Variants in ROBO2 observed in about 807,000 individuals in gnomAD.
The protein encoded by ROBO2 is roundabout homolog 2.
ROBO2 carries 53 observed loss-of-function variants against 160.8 expected under a neutral mutation model. The ratio of observed to expected loss-of-function variants is 0.33; its 90% CI spans 0.26 to 0.41. The LOEUF (loss-of-function observed/expected upper bound fraction) is 0.41. Among genes scored for constraint, ROBO2 ranks in the 10% least tolerant of loss-of-function variants. ROBO2 has a pLI of 1.00. For missense variants in ROBO2, 1,577 were observed against 1,722.4 expected (o/e 0.92, Z 1.49); for synonymous variants, 664 against 611.7 (o/e 1.09, Z -1.26).
At chr3:77,316,748 T>C (rs9820365) in intron 2 of ROBO2, 105,749 of 972,866 alleles carry the variant, frequency 0.11, 7,919 homozygotes, top group East Asian at 0.35. Context: ...TGTATGGTAT[T>C]CATTCATGCT....
chr3:77,212,540 C>T (rs966876347), intron 2 of ROBO2, among the ~76,000 whole-genome samples: 3 of 152,124 alleles, frequency 2.0e-5, no homozygotes, highest in African/African-American at 4.8e-5. Context: ...ATTTGATTTC[C>T]TCTTTTCCTA....
At chr3:76,483,406 G>C (rs1178653047) in intron 2 of ROBO2, among the ~76,000 whole-genome samples, 1 of 151,478 alleles carries the variant, frequency 6.6e-6, no homozygotes, top group Non-Finnish European at 1.5e-5. Flanking sequence ...TTTGGGGTGT[G>C]ATTGATTCCA....
intron 2 of ROBO2, among the ~76,000 whole-genome samples, chr3:75,984,211 A>G (rs1201086674): frequency 2.0e-5 from 3 of 151,572 alleles, no homozygotes; most frequent in Non-Finnish European, 4.4e-5. Flanking sequence ...GCAGCCACAT[A>G]TGTACTAATT....
At chr3:76,742,917 A>G (rs1454978782) in intron 2 of ROBO2, among the ~76,000 whole-genome samples, 1 of 151,942 alleles carries the variant, frequency 6.6e-6, no homozygotes, top group Admixed American at 6.6e-5. Context: ...ATACTAATTA[A>G]ATAAAATCAG....
chr3:76,409,142 C>A (rs570407789), intron 2 of ROBO2, among the ~76,000 whole-genome samples: 27 of 151,948 alleles, frequency 1.8e-4, no homozygotes, highest in Non-Finnish European at 3.4e-4. Flanking sequence ...ATACACAAAA[C>A]TAAGCATACA....
intron 2 of ROBO2, among the ~76,000 whole-genome samples, chr3:76,050,204 G>A (rs2067607594): frequency 2.0e-5 from 3 of 152,154 alleles, no homozygotes; most frequent in Admixed American, 2.0e-4. Context: ...GAGAAAAGCA[G>A]GCAGAAGAAC....
In ROBO2 at chr3:76,968,149, A is replaced by T. The variant is rs139670883; in HGVS notation, c.110-129865A>T. 2.3e-3 allele frequency among the ~76,000 whole-genome samples: 347 copies of T among 152,344 alleles called. 2 individuals are homozygous for T. The highest frequency in any genetic ancestry group is 8.2e-3 in the African/African-American group (339 of 41,578). On this transcript the variant is annotated intron_variant, in intron 2 of 26. Transcript: ENST00000487694. ...TCAAACACCAAATATCAATTATAAA[A>T]TGTTTCCAGATCCAAAAATAATTGA...
At chr3:76,390,970 T>C (rs1008635707) in intron 2 of ROBO2, among the ~76,000 whole-genome samples, 42 of 152,212 alleles carry the variant, frequency 2.8e-4, no homozygotes, top group African/African-American at 9.9e-4. Context: ...CTTGGTAATG[T>C]GGACCATATG....
intron 2 of ROBO2, among the ~76,000 whole-genome samples, chr3:76,088,787 A>G (rs991958560): frequency 2.6e-5 from 4 of 152,086 alleles, no homozygotes; most frequent in African/African-American, 9.6e-5. Context: ...ACAACAATAT[A>G]AGCTTCACAT....
intron 2 of ROBO2, among the ~76,000 whole-genome samples, chr3:77,414,588 A>G (rs919599177): frequency 2.0e-5 from 3 of 152,342 alleles, no homozygotes; most frequent in Non-Finnish European, 4.4e-5. Flanking sequence ...CAGACAAAAC[A>G]AGACGGGAGC....
intron 2 of ROBO2, among the ~76,000 whole-genome samples, chr3:76,657,485 C>T (rs554969700): frequency 2.6e-5 from 4 of 151,066 alleles, no homozygotes; most frequent in Non-Finnish European, 4.4e-5. Flanking sequence ...GTGGCTCACG[C>T]CTGTAGTTCT....
chr3:76,483,762 G>A (rs1156766929), intron 2 of ROBO2, among the ~76,000 whole-genome samples: 1 of 151,934 alleles, frequency 6.6e-6, no homozygotes, highest in East Asian at 1.9e-4. Context: ...ATTTCCCTAT[G>A]TGTCCATGAG....
At chr3:76,431,187 C>A (rs1393637677) in intron 2 of ROBO2, among the ~76,000 whole-genome samples, 1 of 151,830 alleles carries the variant, frequency 6.6e-6, no homozygotes, top group Non-Finnish European at 1.5e-5. Flanking sequence ...TAAATATAAC[C>A]GCATCTTTGG....
intron 2 of ROBO2, among the ~76,000 whole-genome samples, chr3:76,567,807 ATT>A (rs762639441): frequency 0.15 from 10,374 of 71,130 alleles, 692 homozygotes; most frequent in Non-Finnish European, 0.17. Context: ...GTATATATAT[ATT>A]TTTTTTTTTT....
intron 2 of ROBO2, among the ~76,000 whole-genome samples, chr3:76,646,558 T>TA (rs1348748517): frequency 6.6e-6 from 1 of 152,222 alleles, no homozygotes; most frequent in Non-Finnish European, 1.5e-5. Context: ...AACCTCTTGG[T>TA]AATAGTGCAA....
chr3:76,783,502 G>C (rs562908199), intron 2 of ROBO2, among the ~76,000 whole-genome samples: 1 of 147,330 alleles, frequency 6.8e-6, no homozygotes, highest in Non-Finnish European at 1.5e-5. Flanking sequence ...ATTTTTGTTT[G>C]GTAGTTTCTT....
chr3:77,429,596 T>C (rs1339877485), intron 2 of ROBO2, among the ~76,000 whole-genome samples: 1 of 141,632 alleles, frequency 7.1e-6, no homozygotes. Flanking sequence ...TCAAAATTGC[T>C]CATGTAAAAA....
At chr3:76,564,683 A>G (rs961804686) in intron 2 of ROBO2, among the ~76,000 whole-genome samples, 3 of 152,188 alleles carry the variant, frequency 2.0e-5, no homozygotes, top group African/African-American at 7.2e-5. Flanking sequence ...TGAAACGACT[A>G]ATTCATCTTC....
chr3:77,209,408 A>G (rs1311971562), intron 2 of ROBO2, among the ~76,000 whole-genome samples: 2 of 152,114 alleles, frequency 1.3e-5, no homozygotes, highest in East Asian at 1.9e-4. Context: ...TTGCAATGCC[A>G]TCTAATTTTC....
Sources: gnomAD v4.1 joint callset for allele counts (sites outside exome capture counted in the v4.1 genomes callset) on GRCh38, gnomAD v4.1.1 for gene constraint, MANE v1.5 for transcripts, NCBI Gene and HGNC (gene_info 2026-07-23, HGNC 2026-07-21) for gene names.